The following CEP162 variants were observed in gnomAD, a reference collection of about 807,000 sequenced individuals.
CEP162 encodes centrosomal protein 162, also known as centrosomal protein of 162 kDa.
A neutral mutation model predicts 169.2 loss-of-function variants in CEP162; 141 were observed. The observed-to-expected ratio is 0.83, with a 90% CI of 0.73 to 0.96. CEP162 has a LOEUF of 0.96. CEP162 is among the 40% of genes least tolerant of loss of function. The probability of loss-of-function intolerance (pLI) is 0.00; values close to 1 mark genes in which losing one functional copy is unlikely to be tolerated. For missense variants in CEP162, 1,600 were observed against 1,587.2 expected, an observed-to-expected ratio of 1.01 and a Z score of -0.14; for synonymous variants, 540 against 526.4, an observed-to-expected ratio of 1.03 and a Z score of -0.35.
chr6:84,152,366 C>G (rs1277212549), intron 23 of CEP162, among the ~76,000 whole-genome samples, 179 bp downstream of exon 23: 1 of 152,124 alleles, frequency 6.6e-6, no homozygotes, highest in Non-Finnish European at 1.5e-5. Context: ...GGGCCACCAG[C>G]AGGTAGAAGA....
chr6:84,208,011 G>T (rs1320357938), intron 6 of CEP162, among the ~76,000 whole-genome samples: 12 of 148,350 alleles, frequency 8.1e-5, no homozygotes, highest in Admixed American at 7.3e-4. Flanking sequence ...TGTTTTTCAG[G>T]TTGATTGATT....
intron 25 of CEP162, among the ~76,000 whole-genome samples, chr6:84,131,035 C>T (rs2099511144): frequency 6.6e-6 from 1 of 152,156 alleles, no homozygotes; most frequent in Admixed American, 6.5e-5. Flanking sequence ...AAATGTGTCC[C>T]AGAGATTCTG....
At chr6:84,183,220 A>G (rs2099535688) in intron 13 of CEP162, among the ~76,000 whole-genome samples, 1 of 152,122 alleles carries the variant, frequency 6.6e-6, no homozygotes, top group Non-Finnish European at 1.5e-5. Flanking sequence ...GTTTAAGAAT[A>G]TTATTTCACT....
Position 84,155,473 on chromosome 6 carries a change from G to A in CEP162, c.2819C>T (p.Pro940Leu), listed in dbSNP as rs2099522809. The A allele has an allele frequency of 6.2e-7, 1 of 1,612,682 alleles. No homozygotes were observed. The highest frequency in any genetic ancestry group is 8.5e-7 in the Non-Finnish European group (1 of 1,179,080). ...EMEGILKRRY[P>L]NSLPALILAA... Reference sequence around the variant, plus strand: ...CAATATTAAAGCAGGTAAAGAATTGGGATATCTTCTCTTCAGAATCCCTTC... The same window carrying A: ...CAATATTAAAGCAGGTAAAGAATTGAGATATCTTCTCTTCAGAATCCCTTC... Residue 940 changes from proline (P) to leucine (L), a missense_variant, in exon 22 of 27, where the codon CCC becomes CTC. Physicochemically the swap from Pro to Leu is moderately conservative, Grantham distance 98 (BLOSUM62 -3). Coordinates refer to ENST00000403245, the MANE Select transcript of CEP162 (RefSeq NM_014895.4).
At chr6:84,173,795 T>C (rs1211177378) in intron 16 of CEP162, among the ~76,000 whole-genome samples, 1 of 151,874 alleles carries the variant, frequency 6.6e-6, no homozygotes, top group Non-Finnish European at 1.5e-5. Context: ...GCGATTCTCT[T>C]GCCTCAACCT....
intron 25 of CEP162, among the ~76,000 whole-genome samples, chr6:84,126,963 C>T (rs1408039416): frequency 6.6e-6 from 1 of 152,138 alleles, no homozygotes; most frequent in African/African-American, 2.4e-5. Context: ...TTGTAATTCT[C>T]TATGGCCCTT....
At chr6:84,140,450 A>C (rs1301682173) in intron 25 of CEP162, among the ~76,000 whole-genome samples, 6 of 152,180 alleles carry the variant, frequency 3.9e-5, no homozygotes, top group African/African-American at 1.4e-4. Flanking sequence ...TTGGATATCG[A>C]GGGAGATTTG....
chr6:84,217,536 G>A (rs958338367), intron 3 of CEP162, among the ~76,000 whole-genome samples: 6 of 152,150 alleles, frequency 3.9e-5, no homozygotes, highest in Non-Finnish European at 8.8e-5. Flanking sequence ...GTAGTGATAC[G>A]GGCATAAGCA....
chr6:84,147,900 A>T (rs1357375466), intron 24 of CEP162, among the ~76,000 whole-genome samples: 1 of 152,098 alleles, frequency 6.6e-6, no homozygotes, highest in African/African-American at 2.4e-5. Flanking sequence ...ATTGGGAAAA[A>T]TTTATCTTAT....
At chr6:84,134,293 T>A (rs528676367) in intron 25 of CEP162, among the ~76,000 whole-genome samples, 39 of 152,202 alleles carry the variant, frequency 2.6e-4, no homozygotes, top group Non-Finnish European at 5.1e-4. Context: ...CTTGCTGGGC[T>A]CTGTGGGGGT....
At chr6:84,174,306 T>C in intron 15 of CEP162, 118 bp from the exon 16 acceptor site, 1 of 844,364 alleles carries the variant, frequency 1.2e-6, no homozygotes. Flanking sequence ...ATTGAACATA[T>C]TAGAATGTGA....
intron 6 of CEP162, among the ~76,000 whole-genome samples, chr6:84,204,514 T>C (rs1362408197): frequency 6.6e-6 from 1 of 152,164 alleles, no homozygotes; most frequent in African/African-American, 2.4e-5. Context: ...GAAATAAAGA[T>C]GTTCTTTGAA....
intron 18 of CEP162, 59 bp from the exon 19 acceptor site, chr6:84,163,329 T>C (rs1006391023): frequency 2.4e-6 from 3 of 1,272,010 alleles, no homozygotes; most frequent in Non-Finnish European, 3.4e-6. Context: ...AATTGTGGTA[T>C]AGTCTTTCAA....
In CEP162 at chr6:84,174,500, A is replaced by C. The variant is rs556058437; in HGVS notation, c.2025+227T>G. On this transcript the variant is annotated intron_variant, in intron 15 of 26. Transcript: ENST00000403245. ...TTCTTTAAAAAGGACTGCTAACAGA[A>C]GAAAACCATAAAAATGAGCCAATTT... Among the ~76,000 whole-genome samples the C allele has an allele frequency of 6.1e-4, 93 of 152,298 alleles. 1 individual carries two copies. The highest frequency in any genetic ancestry group is 2.1e-3 in the African/African-American group (89 of 41,568).
rs1229788200 is a variant in CEP162, at chr6:84,146,770, A to T, written c.3787T>A (p.Phe1263Ile). Residue 1263 changes from phenylalanine to isoleucine, a missense_variant, in exon 25 of 27, where the codon TTC becomes ATC. Transcript: ENST00000403245. ...IATQEVLIRH[F>I]QSQVNELQSK... Reference sequence around the variant, plus strand: ...TGCAGCTCATTAACTTGACTTTGGAAATGTCTTATAAGTACCTAGGAAATT... The same window carrying T: ...TGCAGCTCATTAACTTGACTTTGGATATGTCTTATAAGTACCTAGGAAATT... The T allele has an allele frequency of 6.4e-7, 1 of 1,556,914 alleles. No homozygotes were observed. Among genetic ancestry groups the T allele is most frequent in the Admixed American group, 1.9e-5 (1 of 53,894 alleles).
At chr6:84,195,690 C>A (rs2099541845) in intron 9 of CEP162, among the ~76,000 whole-genome samples, 1 of 152,116 alleles carries the variant, frequency 6.6e-6, no homozygotes, top group African/African-American at 2.4e-5. Context: ...TGCATGCCTT[C>A]TTCTTTTTGT....
In CEP162 at chr6:84,193,673, C is replaced by T. The variant is rs979656491; in HGVS notation, c.1045G>A (p.Glu349Lys). The T allele has an allele frequency of 2.6e-6, 4 of 1,566,074 alleles. No homozygotes were observed. The highest frequency in any genetic ancestry group is 2.7e-5 in the African/African-American group (2 of 73,748). Residue 349 changes from glutamate (E) to lysine (K), a missense_variant, in exon 11 of 27, where the codon GAG becomes AAG. Transcript: ENST00000403245. ...TMESDLPTVEELMKPIRIDSF... is the reference protein window; with the variant it reads ...TMESDLPTVEKLMKPIRIDSF... ...TCTATTCTGATAGGTTTCATCAGCT[C>T]CTCTACTGTGGGCAGATCTAAGAGG...
At chr6:84,213,140 C>T (rs531444927) in intron 5 of CEP162, 116 bp from the exon 6 acceptor site, 2 of 557,596 alleles carry the variant, frequency 3.6e-6, no homozygotes, top group Non-Finnish European at 6.0e-6. Context: ...CTCTCAAGTC[C>T]TTTTGTTCTA....
chr6:84,177,001 T>C (rs979498194), intron 13 of CEP162, among the ~76,000 whole-genome samples: 5 of 152,286 alleles, frequency 3.3e-5, no homozygotes, highest in South Asian at 2.1e-4. Context: ...TATTAAGATT[T>C]TGACATAAAT....
Sources: gnomAD v4.1 joint callset for allele counts (sites outside exome capture counted in the v4.1 genomes callset) on GRCh38, gnomAD v4.1.1 for gene constraint, MANE v1.5 for transcripts, NCBI Gene and HGNC (gene_info 2026-07-23, HGNC 2026-07-21) for gene names.